The following UTP14C variants were observed in gnomAD, a reference collection of about 807,000 sequenced individuals.
The protein encoded by UTP14C is UTP14C small subunit processome component.
UTP14C carries 10 observed loss-of-function variants against 14.6 expected under a neutral mutation model. The ratio of observed to expected loss-of-function variants is 0.68; its 90% confidence interval spans 0.42 to 1.16. The LOEUF is 1.16. Among genes scored for constraint, UTP14C ranks in the 50% most tolerant of loss-of-function variants. The probability of loss-of-function intolerance (pLI) is 0.00; values close to 1 mark genes in which losing one functional copy is unlikely to be tolerated. For missense variants in UTP14C, 818 were observed against 890.8 expected (o/e 0.92, Z 1.04); for synonymous variants, 315 against 331.6 (o/e 0.95, Z 0.54).
chr13:52,031,341 C>A lies in UTP14C; in HGVS notation c.*236C>A. On this transcript the variant is annotated 3_prime_UTR_variant, in exon 2 of 2. Transcript: ENST00000521776. The stretch of plus-strand genomic sequence containing the variant: ...AAATTCTAAACAATACAGTGGATGA[C>A]CCTTTTGAATATACCTAATGATTTC... 1.7e-6 allele frequency: 1 copy of A among 588,842 alleles called. No homozygotes were observed. The highest frequency in any genetic ancestry group is 2.9e-6 in the Non-Finnish European group (1 of 347,836). 36.5% of individuals were successfully genotyped at this position (588,842 alleles called of 1,614,324 possible). A position where few individuals can be genotyped will look rare whatever the true frequency, so the allele number is the denominator to read the frequency against.
rs888715449 is a variant in UTP14C, at chr13:52,033,084, T to G, written c.*1979T>G. On this transcript the variant is annotated 3_prime_UTR_variant, in exon 2 of 2. Transcript: ENST00000521776. ...ATTATTTTCATATATCACAGATATA[T>G]CATTGGAAGATATAATTTGCATATA... 6.0e-6 allele frequency: 1 copy of G among 167,128 alleles called. No homozygotes were observed. Among genetic ancestry groups the G allele is most frequent in the Non-Finnish European group, 1.5e-5 (1 of 68,138 alleles). The allele number at this position is 167,128 out of a possible 1,614,324, so 10.4% of individuals were successfully genotyped here.
Position 52,029,969 on chromosome 13 carries a change from G to A in UTP14C, c.1165G>A (p.Glu389Lys). 6.2e-7 allele frequency: 1 copy of A among 1,614,238 alleles called. No homozygotes were observed. Among genetic ancestry groups the A allele is most frequent in the South Asian group, 1.1e-5 (1 of 91,086 alleles). ...TSDTKEAATQ[E>K]DPEQVPELAA... Reference sequence around the variant, plus strand: ...TGACACCAAAGAGGCTGCAACACAGGAGGACCCTGAGCAAGTGCCAGAGCT... The same window carrying A: ...TGACACCAAAGAGGCTGCAACACAGAAGGACCCTGAGCAAGTGCCAGAGCT... Residue 389 changes from glutamate (E) to lysine (K), a missense_variant, in exon 2 of 2, where the codon GAG (glutamate) becomes AAG (lysine). Physicochemically the swap from Glu to Lys is moderately conservative, Grantham distance 56. Transcript: ENST00000521776.
chr13:52,030,995 A>G lies in UTP14C; in HGVS notation c.2191A>G (p.Ile731Val), dbSNP rs1451290284. The G allele has an allele frequency of 1.9e-6, 3 of 1,614,212 alleles. No homozygotes were observed. Among genetic ancestry groups the G allele is most frequent in the South Asian group, 1.1e-5 (1 of 91,078 alleles). ...CAAGCCAGGCCATATCATTAAGCCC[A>G]TAAAAGCAGAGGATGTGGGCTACCA... ...VTKPGHIIKP[I>V]KAEDVGYQSS... Residue 731 changes from isoleucine to valine, a missense_variant, in exon 2 of 2, where the codon ATA (isoleucine) becomes GTA (valine). By Grantham distance (29) the Ile-to-Val change is conservative. Transcript: ENST00000521776.
At position 52,029,948 on chromosome 13, in the gene UTP14C, A is replaced by C. The variant is rs763084819; in HGVS notation, c.1144A>C (p.Thr382Pro). ...PWMFRSCTSD[T>P]KEAATQEDPE... ...GATGTTCAGGAGCTGCACCAGTGAC[A>C]CCAAAGAGGCTGCAACACAGGAGGA... The change falls in exon 2 of 2, where the codon ACC (threonine) becomes CCC (proline). Residue 382 changes from threonine to proline, a missense_variant. Coordinates refer to ENST00000521776, the MANE Select transcript of UTP14C (RefSeq NM_021645.6). The C allele has an allele frequency of 2.5e-6, 4 of 1,614,226 alleles. No homozygotes were observed. In the East Asian group the frequency reaches 8.9e-5, roughly 36 times the overall value.
In UTP14C at chr13:52,031,634, T is replaced by C. The variant is rs1954306718; in HGVS notation, c.*529T>C. The C allele has an allele frequency of 5.8e-6, 1 of 171,708 alleles. No individual in the cohort carries two copies. The highest frequency in any genetic ancestry group is 1.9e-4 in the South Asian group (1 of 5,274). 10.6% of individuals were successfully genotyped at this position (171,708 alleles called of 1,614,324 possible). ...CATTCAAGAGAACCTCAGGCTGTTT[T>C]TCTGACAGTGATGATATGATATACA... On this transcript the variant is annotated 3_prime_UTR_variant, in exon 2 of 2. Coordinates refer to ENST00000521776, the MANE Select transcript of UTP14C (RefSeq NM_021645.6).
In UTP14C at chr13:52,033,141, A is replaced by G. The variant is rs1015808683; in HGVS notation, c.*2036A>G. 6.0e-6 allele frequency: 1 copy of G among 167,092 alleles called. No individual in the cohort carries two copies. Among genetic ancestry groups the G allele is most frequent in the East Asian group, 1.9e-4 (1 of 5,204 alleles). The allele number at this position is 167,092 out of a possible 1,614,324, so 10.4% of individuals were successfully genotyped here. On this transcript the variant is annotated 3_prime_UTR_variant, in exon 2 of 2. Transcript: ENST00000521776. ...TTATCAGTGTTCCTAATTTGGTATTACATGTATTCTATTTTTTTCTGAATG... is the reference window on the plus strand; with the variant it reads ...TTATCAGTGTTCCTAATTTGGTATTGCATGTATTCTATTTTTTTCTGAATG...
In UTP14C at chr13:52,032,708, CTT is replaced by C. The variant is rs1229266339; in HGVS notation, c.*1607_*1608del. On this transcript the variant is annotated 3_prime_UTR_variant, in exon 2 of 2. Coordinates refer to ENST00000521776, the MANE Select transcript of UTP14C (RefSeq NM_021645.6). ...AGGATGTTCTGACACACCATTGTAA[CTT>C]TTTGTTAGAGATGATCCCATTTAGA... is the stretch of plus-strand genomic sequence containing the variant. 4 of 167,054 alleles carry C rather than the reference CTT, an allele frequency of 2.4e-5. No individual in the cohort carries two copies. Among genetic ancestry groups the C allele is most frequent in the South Asian group, 2.1e-4 (1 of 4,828 alleles). 10.3% of individuals were successfully genotyped at this position (167,054 alleles called of 1,614,324 possible).
chr13:52,026,304 T>A (rs1288842377), intron 1 of UTP14C, among the ~76,000 whole-genome samples: 1 of 152,024 alleles, frequency 6.6e-6, no homozygotes, highest in Non-Finnish European at 1.5e-5. Flanking sequence ...AACAGATGCA[T>A]CAATAGGAAC....
At position 52,029,318 on chromosome 13, in the gene UTP14C, C is replaced by T. The variant is rs1401193223; in HGVS notation, c.514C>T (p.His172Tyr). Residue 172 changes from histidine to tyrosine, a missense_variant, in exon 2 of 2, where the codon CAT becomes TAT. Coordinates refer to ENST00000521776, the MANE Select transcript of UTP14C (RefSeq NM_021645.6). Reference protein sequence around the residue: ...KEQPAIAPIEHALSGWKARTP... With the variant: ...KEQPAIAPIEYALSGWKARTP... ...GCAGCCAGCCATTGCTCCCATTGAA[C>T]ATGCGCTCAGTGGCTGGAAGGCAAG... 5 of 1,614,048 alleles carry T rather than the reference C, an allele frequency of 3.1e-6. No individual in the cohort carries two copies. Among genetic ancestry groups the T allele is most frequent in the Non-Finnish European group, 3.4e-6 (4 of 1,180,036 alleles).
rs1419971303 is a variant in UTP14C, at chr13:52,033,434, A to C, written c.*2329A>C. The C allele has an allele frequency of 6.0e-6, 1 of 167,118 alleles. No homozygotes were observed. Among genetic ancestry groups the C allele is most frequent in the African/African-American group, 2.4e-5 (1 of 41,468 alleles). 10.4% of individuals were successfully genotyped at this position (167,118 alleles called of 1,614,324 possible). A position where few individuals can be genotyped will look rare whatever the true frequency, so the allele number is the denominator to read the frequency against. ...TAATATAGATACAAAGTCTGTGTCT[A>C]AATATTATTTAAAGAAGTGATTTTT... On this transcript the variant is annotated 3_prime_UTR_variant, in exon 2 of 2. Coordinates refer to ENST00000521776, the MANE Select transcript of UTP14C (RefSeq NM_021645.6).
rs1954279730 is a variant in UTP14C at position 52,029,737 on chromosome 13, G to A, written c.933G>A (p.Met311Ile). ...SGKWAKSKAI[M>I]AKYDLEARQA... ...AATGGGCCAAGTCAAAGGCAATTAT[G>A]GCCAAATATGACCTGGAGGCTCGCC... Residue 311 changes from methionine to isoleucine, a missense_variant, in exon 2 of 2, where the codon ATG becomes ATA. Coordinates refer to ENST00000521776, the MANE Select transcript of UTP14C (RefSeq NM_021645.6). 1.4e-5 allele frequency: 22 copies of A among 1,614,056 alleles called. No homozygotes were observed. Among genetic ancestry groups the A allele is most frequent in the East Asian group, 2.2e-5 (1 of 44,900 alleles).
Position 52,028,392 on chromosome 13 carries a change from G to C in UTP14C, c.-413G>C. ...CGGGGGGCCCAAAGCTTGACATTGTGGTTCCTCACGAAGGAGATATAACTG... is the reference window on the plus strand; with the variant it reads ...CGGGGGGCCCAAAGCTTGACATTGTCGTTCCTCACGAAGGAGATATAACTG... On this transcript the variant is annotated 5_prime_UTR_variant, in exon 2 of 2. Coordinates refer to ENST00000521776, the MANE Select transcript of UTP14C (RefSeq NM_021645.6). The C allele has an allele frequency of 6.2e-7, 1 of 1,614,096 alleles. No homozygotes were observed. The highest frequency in any genetic ancestry group is 8.5e-7 in the Non-Finnish European group (1 of 1,180,018).
chr13:52,030,550 G>A lies in UTP14C; in HGVS notation c.1746G>A (p.Leu582=), dbSNP rs1268942594. ...CAGTTCCCACAATAATAGAGGAGCT[G>A]GAAGATGAAGAGGAGAGAGACCAAA... ...SLAVPTIIEE[L]EDEEERDQRQ... The change falls in exon 2 of 2, where the codon CTG becomes CTA. Residue 582 remains leucine (L), a synonymous_variant. Coordinates refer to ENST00000521776, the MANE Select transcript of UTP14C (RefSeq NM_021645.6). The A allele has an allele frequency of 1.9e-6, 3 of 1,614,020 alleles. No homozygotes were observed. Among genetic ancestry groups the A allele is most frequent in the African/African-American group, 1.3e-5 (1 of 74,910 alleles).
rs750113606 is a variant in UTP14C at position 52,030,403 on chromosome 13, A to T, written c.1599A>T (p.Gly533=). ...NKELPRPVLE[G]QQSERTPNNR... is the part of the protein sequence containing the mutation. ...AGCTTCCCAGACCTGTGTTAGAAGG[A>T]CAGCAGTCAGAGAGGACCCCAAATA... Residue 533 remains glycine (G), a synonymous_variant, in exon 2 of 2, where the codon GGA becomes GGT. Coordinates refer to ENST00000521776, the MANE Select transcript of UTP14C (RefSeq NM_021645.6). The T allele has an allele frequency of 3.7e-6, 6 of 1,614,112 alleles. No individual in the cohort carries two copies. The highest frequency in any genetic ancestry group is 5.1e-6 in the Non-Finnish European group (6 of 1,180,038).
In UTP14C at chr13:52,029,313, T is replaced by A; in HGVS notation, c.509T>A (p.Ile170Asn). The A allele has an allele frequency of 6.2e-7, 1 of 1,614,132 alleles. No homozygotes were observed. The highest frequency in any genetic ancestry group is 1.6e-4 in the Middle Eastern group (1 of 6,062). Residue 170 changes from isoleucine (I) to asparagine (N), a missense_variant, in exon 2 of 2, where the codon ATT (isoleucine) becomes AAT (asparagine). By Grantham distance (149) the Ile-to-Asn change is moderately radical (BLOSUM62 -3). Coordinates refer to ENST00000521776, the MANE Select transcript of UTP14C (RefSeq NM_021645.6). Reference sequence around the variant, plus strand: ...AAGGAGCAGCCAGCCATTGCTCCCATTGAACATGCGCTCAGTGGCTGGAAG... The same window carrying A: ...AAGGAGCAGCCAGCCATTGCTCCCAATGAACATGCGCTCAGTGGCTGGAAG... ...LGKEQPAIAP[I>N]EHALSGWKAR... is the part of the protein sequence containing the mutation.
At chr13:52,026,426 C>A (rs188284485) in intron 1 of UTP14C, among the ~76,000 whole-genome samples, 1 of 152,306 alleles carries the variant, frequency 6.6e-6, no homozygotes, top group Admixed American at 6.5e-5. Context: ...CCAGTCCATT[C>A]TGGCCACATG....
At position 52,031,689 on chromosome 13, in the gene UTP14C, A is replaced by T. The variant is rs565738138; in HGVS notation, c.*584A>T. On this transcript the variant is annotated 3_prime_UTR_variant, in exon 2 of 2. Transcript: ENST00000521776. ...CATCCACAGGGTATCTATTACCAGC[A>T]TAATGCATTGTAAGATGGCAAGGTG... 1 of 167,734 alleles carries T rather than the reference A, an allele frequency of 6.0e-6. No homozygotes were observed. The highest frequency in any genetic ancestry group is 2.1e-4 in the South Asian group (1 of 4,846). 10.4% of individuals were successfully genotyped at this position (167,734 alleles called of 1,614,324 possible).
In UTP14C at chr13:52,029,231, T is replaced by C; in HGVS notation, c.427T>C (p.Trp143Arg). ...TAAAACCTCACAGGTCCTCTCCAAA[T>C]GGGACCCTATCATCCTGAAGAACCA... ...FSKTSQVLSK[W>R]DPIILKNQQA... Residue 143 changes from tryptophan to arginine, a missense_variant, in exon 2 of 2, where the codon TGG (tryptophan) becomes CGG (arginine). By Grantham distance (101) the Trp-to-Arg change is moderately radical (BLOSUM62 -3). Transcript: ENST00000521776. 1 of 1,614,138 alleles carries C rather than the reference T, an allele frequency of 6.2e-7. No homozygotes were observed. Among genetic ancestry groups the C allele is most frequent in the Non-Finnish European group, 8.5e-7 (1 of 1,180,024 alleles).
chr13:52,031,194 T>G lies in UTP14C; in HGVS notation c.*89T>G. 1 of 1,514,506 alleles carries G rather than the reference T, an allele frequency of 6.6e-7. No individual in the cohort carries two copies. Among genetic ancestry groups the G allele is most frequent in the Non-Finnish European group, 8.8e-7 (1 of 1,132,658 alleles). The allele number at this position is 1,514,506 out of a possible 1,614,324, so 93.8% of individuals were successfully genotyped here. ...TCTGCTACAGGGTGGATTCCAAAACTGGCTCAGCACATTGCATGTAGTTGA... is the reference window on the plus strand; with the variant it reads ...TCTGCTACAGGGTGGATTCCAAAACGGGCTCAGCACATTGCATGTAGTTGA... On this transcript the variant is annotated 3_prime_UTR_variant, in exon 2 of 2. Transcript: ENST00000521776.
Sources: allele counts gnomAD v4.1 joint callset (sites outside exome capture counted in the v4.1 genomes callset), GRCh38; gene constraint gnomAD v4.1.1; transcripts MANE v1.5; gene names NCBI Gene and HGNC (gene_info 2026-07-23, HGNC 2026-07-21).